The following FHOD3 variants were observed in gnomAD, a reference collection of about 807,000 sequenced individuals.
FHOD3 encodes the protein FH1/FH2 domain-containing protein 3.
A neutral mutation model predicts 173.0 loss-of-function variants in FHOD3; 90 were observed. That is an observed-to-expected ratio of 0.52 (90% confidence interval 0.44 to 0.62). The LOEUF is 0.62. Among genes scored for constraint, FHOD3 ranks in the 20% least tolerant of loss-of-function variants. The pLI, the probability that FHOD3 is intolerant of heterozygous loss-of-function variation, is 0.00. For missense variants in FHOD3, 1,945 were observed against 2,034.7 expected, an observed-to-expected ratio of 0.96 and a Z score of 0.85; for synonymous variants, 828 against 823.0, an observed-to-expected ratio of 1.01 and a Z score of -0.10.
chr18:36,606,354 G>A (rs1293820337), intron 8 of FHOD3, among the ~76,000 whole-genome samples: 1 of 152,094 alleles, frequency 6.6e-6, no homozygotes, highest in East Asian at 1.9e-4. Flanking sequence ...CATGGTAGAG[G>A]GCAAGGGGGT....
intron 18 of FHOD3, among the ~76,000 whole-genome samples, chr18:36,714,521 A>G (rs1194025188): frequency 1.3e-5 from 2 of 152,222 alleles, no homozygotes; most frequent in African/African-American, 2.4e-5. Flanking sequence ...TGGGCGACAC[A>G]GTGAGACTCT....
At chr18:36,645,276 C>T (rs2035601206) in intron 10 of FHOD3, among the ~76,000 whole-genome samples, 1 of 152,104 alleles carries the variant, frequency 6.6e-6, no homozygotes, top group Non-Finnish European at 1.5e-5. Flanking sequence ...CAAAAATATT[C>T]ATCCATGGTG....
chr18:36,443,812 T>C (rs2051294141), intron 3 of FHOD3, among the ~76,000 whole-genome samples: 1 of 152,218 alleles, frequency 6.6e-6, no homozygotes, highest in African/African-American at 2.4e-5. Context: ...TATTTTAATC[T>C]GACCCCACAG....
chr18:36,502,658 G>A (rs2055099386), intron 4 of FHOD3, among the ~76,000 whole-genome samples: 2 of 152,160 alleles, frequency 1.3e-5, no homozygotes, highest in South Asian at 4.1e-4. Flanking sequence ...ATGGGCATTT[G>A]GGTTGGTTCC....
chr18:36,402,084 A>G lies in FHOD3; in HGVS notation c.337+29340A>G, dbSNP rs191667765. Among the ~76,000 whole-genome samples the G allele has an allele frequency of 1.3e-3, 193 of 152,332 alleles. 1 individual carries two copies. Among genetic ancestry groups the G allele is most frequent in the African/African-American group, 4.4e-3 (181 of 41,564 alleles). On this transcript the variant is annotated intron_variant, in intron 3 of 28. Coordinates refer to ENST00000590592, the MANE Select transcript of FHOD3 (RefSeq NM_001281740.3). The stretch of plus-strand genomic sequence containing the variant: ...GTGCTTTTAAAATTGTGATTGTTCA[A>G]TTATAGCCCTGAGAACAGTATAAGC...
intron 3 of FHOD3, among the ~76,000 whole-genome samples, chr18:36,380,779 A>G (rs2047740616): frequency 6.6e-6 from 1 of 152,074 alleles, no homozygotes; most frequent in Admixed American, 6.6e-5. Flanking sequence ...TCTACAAGAA[A>G]GCTAAAAAAG....
chr18:36,750,072 G>A (rs1319184060), intron 24 of FHOD3, among the ~76,000 whole-genome samples: 5 of 152,090 alleles, frequency 3.3e-5, no homozygotes, highest in African/African-American at 7.2e-5. Flanking sequence ...GGTGGATCAC[G>A]AGGTCAGGAG....
At chr18:36,683,589 C>A (rs1199064406) in intron 15 of FHOD3, among the ~76,000 whole-genome samples, 2 of 152,192 alleles carry the variant, frequency 1.3e-5, no homozygotes, top group African/African-American at 4.8e-5. Context: ...CAAAGGCACC[C>A]AAACCTAGAA....
intron 1 of FHOD3, among the ~76,000 whole-genome samples, chr18:36,328,886 G>C (rs1303650844): frequency 6.6e-6 from 1 of 152,176 alleles, no homozygotes; most frequent in East Asian, 1.9e-4. Context: ...GTGTGTTTAA[G>C]GTGGGGCTGT....
intron 3 of FHOD3, among the ~76,000 whole-genome samples, chr18:36,448,199 G>C (rs764109491): frequency 2.0e-5 from 3 of 152,110 alleles, no homozygotes; most frequent in Non-Finnish European, 4.4e-5. Context: ...AGGCAAGTGT[G>C]AGTACACTTG....
intron 10 of FHOD3, among the ~76,000 whole-genome samples, chr18:36,636,814 G>T (rs956757001): frequency 6.6e-6 from 1 of 152,038 alleles, no homozygotes; most frequent in Non-Finnish European, 1.5e-5. Context: ...GATGGTGGGG[G>T]TGGGCATGTC....
At chr18:36,657,239 T>G (rs117863769) in intron 13 of FHOD3, among the ~76,000 whole-genome samples, 1,658 of 152,296 alleles carry the variant, frequency 0.011, 48 homozygotes, top group Admixed American at 0.063. Context: ...CTGGGTAGAT[T>G]TGCGAGGCAA....
chr18:36,300,978 G>C (rs981244365), intron 1 of FHOD3, among the ~76,000 whole-genome samples: 3 of 152,142 alleles, frequency 2.0e-5, no homozygotes, highest in Non-Finnish European at 4.4e-5. Flanking sequence ...TGAGCTCAAA[G>C]TGATCTGCCC....
At chr18:36,481,308 G>A (rs1198654324) in intron 3 of FHOD3, among the ~76,000 whole-genome samples, 1 of 152,094 alleles carries the variant, frequency 6.6e-6, no homozygotes, top group Non-Finnish European at 1.5e-5. Context: ...AGCTCTTCAA[G>A]TGAGCCAAAA....
chr18:36,653,019 A>ATGTTT, intron 12 of FHOD3, 90 bp downstream of exon 12: 1 of 1,436,974 alleles, frequency 7.0e-7, no homozygotes, highest in Non-Finnish European at 9.1e-7. Context: ...GGCTTCTGCC[A>ATGTTT]TGTTTTTTTG....
At chr18:36,455,787 G>A (rs1431435358) in intron 3 of FHOD3, among the ~76,000 whole-genome samples, 4 of 152,136 alleles carry the variant, frequency 2.6e-5, no homozygotes, top group Non-Finnish European at 4.4e-5. Flanking sequence ...GCTACCCTAA[G>A]TGGAGAATTC....
chr18:36,724,445 G>A (rs951333815), intron 19 of FHOD3, among the ~76,000 whole-genome samples: 18 of 152,204 alleles, frequency 1.2e-4, no homozygotes, highest in Non-Finnish European at 2.5e-4. Flanking sequence ...AGCTCTTCCC[G>A]AAGCTTTGGC....
intron 3 of FHOD3, among the ~76,000 whole-genome samples, chr18:36,491,117 A>G (rs949581189): frequency 6.6e-6 from 1 of 152,172 alleles, no homozygotes; most frequent in African/African-American, 2.4e-5. Context: ...GCGATGATTC[A>G]TGGCAGAAAA....
chr18:36,442,830 G>A (rs890646216), intron 3 of FHOD3, among the ~76,000 whole-genome samples: 3 of 152,148 alleles, frequency 2.0e-5, no homozygotes, highest in Non-Finnish European at 4.4e-5. Context: ...GTCCAGTTCA[G>A]TATCCAATCC....
Sources: allele counts gnomAD v4.1 joint callset (sites outside exome capture counted in the v4.1 genomes callset), GRCh38; gene constraint gnomAD v4.1.1; transcripts MANE v1.5; gene names NCBI Gene and HGNC (gene_info 2026-07-23, HGNC 2026-07-21).